The following FHAD1 variants were observed in gnomAD, a reference collection of about 807,000 sequenced individuals.
FHAD1 encodes forkhead-associated domain-containing protein 1.
A neutral mutation model predicts 191.3 loss-of-function variants in FHAD1; 146 were observed. That is an observed-to-expected ratio of 0.76 (90% CI 0.67 to 0.88). FHAD1 has a LOEUF of 0.88. FHAD1 is among the 40% of genes least tolerant of loss of function. The pLI, the probability that FHAD1 is intolerant of heterozygous loss-of-function variation, is 0.00. For synonymous variants in FHAD1, 616 were observed against 672.3 expected, an observed-to-expected ratio of 0.92 and a Z score of 1.29; for missense variants, 1,635 against 1,785.8, an observed-to-expected ratio of 0.92 and a Z score of 1.52.
chr1:15,301,507 A>G, intron 6 of FHAD1, 66 bp downstream of exon 6: 1 of 1,421,436 alleles, frequency 7.0e-7, no homozygotes, highest in Non-Finnish European at 9.6e-7. Flanking sequence ...CAGGACCACC[A>G]ACCAAGGTGA....
chr1:15,395,950 C>T (rs2103199748), intron 33 of FHAD1, among the ~76,000 whole-genome samples: 1 of 152,270 alleles, frequency 6.6e-6, no homozygotes, highest in South Asian at 2.1e-4. Flanking sequence ...TCAGTAACAG[C>T]CTTTCAGGAG....
At position 15,318,033 on chromosome 1, in the gene FHAD1, C is replaced by T; in HGVS notation, c.1365+105C>T. On this transcript the variant is annotated intron_variant, in intron 10 of 33. Coordinates refer to ENST00000688493, the MANE Select transcript of FHAD1 (RefSeq NM_001391957.1). This position sits in a 1 kb window ranked among gnomAD's most constrained non-coding sequence, Gnocchi z 4.1. ...ACTATGCTGGTATTAACCCTTCTTACAGCTGAGAAAACTGAGGCTCACACA... is the reference window on the plus strand; with the variant it reads ...ACTATGCTGGTATTAACCCTTCTTATAGCTGAGAAAACTGAGGCTCACACA... The T allele has an allele frequency of 1.4e-6, 1 of 703,298 alleles. No homozygotes were observed. Among genetic ancestry groups the T allele is most frequent in the East Asian group, 2.9e-5 (1 of 34,736 alleles). 43.6% of individuals were successfully genotyped at this position (703,298 alleles called of 1,614,324 possible).
intron 31 of FHAD1, 74 bp downstream of exon 31, chr1:15,382,267 C>A: frequency 6.9e-7 from 1 of 1,444,428 alleles, no homozygotes; most frequent in South Asian, 1.3e-5. Flanking sequence ...CGAGGGTGGT[C>A]CCTGGAGGAT....
Position 15,272,515 on chromosome 1 carries a change from G to GA in FHAD1, c.290dup (p.Asn97LysfsTer132). 1 of 1,545,822 alleles carries GA rather than the reference G, an allele frequency of 6.5e-7. No individual in the cohort carries two copies. Among genetic ancestry groups the GA allele is most frequent in the Non-Finnish European group, 8.7e-7 (1 of 1,143,436 alleles). ...AGGGCTGACCTATGAACTGGTCATTGAAAATCCACCTCCGGTGAGTCCGGG... is the reference window on the plus strand; with the variant it reads ...AGGGCTGACCTATGAACTGGTCATTGAAAAATCCACCTCCGGTGAGTCCGGG... On this transcript the variant is annotated frameshift_variant, in exon 3 of 34. Coordinates refer to ENST00000688493, the MANE Select transcript of FHAD1 (RefSeq NM_001391957.1). LOFTEE classifies it high-confidence loss of function.
At chr1:15,247,857 C>T (rs1360699455) in intron 1 of FHAD1, among the ~76,000 whole-genome samples, 3 of 152,218 alleles carry the variant, frequency 2.0e-5, no homozygotes, top group African/African-American at 7.2e-5. Context: ...TCACTTGTGA[C>T]CTATAAGCAG....
chr1:15,258,371 G>T (rs1649316112), intron 2 of FHAD1, among the ~76,000 whole-genome samples: 1 of 152,116 alleles, frequency 6.6e-6, no homozygotes, highest in Admixed American at 6.6e-5. Context: ...TTTGTGACTG[G>T]CTTATTTCAC....
upstream of FHAD1, among the ~76,000 whole-genome samples, chr1:15,246,645 A>G (rs964880036): frequency 1.1e-4 from 16 of 152,202 alleles, no homozygotes; most frequent in African/African-American, 3.4e-4. Context: ...GAGATAGAGA[A>G]AGGGCAAAAG....
At chr1:15,328,556 C>G in intron 13 of FHAD1, 127 bp downstream of exon 13, 1 of 800,550 alleles carries the variant, frequency 1.2e-6, no homozygotes. Flanking sequence ...TCCACTTTTT[C>G]CTCTTGTTGG....
intron 10 of FHAD1, among the ~76,000 whole-genome samples, chr1:15,319,215 A>G (rs1675505406): frequency 6.6e-6 from 1 of 152,206 alleles, no homozygotes; most frequent in Non-Finnish European, 1.5e-5. Context: ...TGAGAAATAA[A>G]AGCAAATAAT....
chr1:15,361,604 A>G (rs1694835883), intron 22 of FHAD1, among the ~76,000 whole-genome samples: 1 of 152,120 alleles, frequency 6.6e-6, no homozygotes, highest in Admixed American at 6.5e-5. Context: ...CCGTAGTAAC[A>G]AAATTATTGC....
intron 2 of FHAD1, among the ~76,000 whole-genome samples, chr1:15,267,556 A>C (rs546037420): frequency 6.6e-6 from 1 of 152,140 alleles, no homozygotes; most frequent in African/African-American, 2.4e-5. Context: ...TGTCTGATAG[A>C]ATTCACCAGG....
Position 15,277,601 on chromosome 1 carries a change from A to G in FHAD1, c.300+5072A>G, listed in dbSNP as rs561646203. The stretch of plus-strand genomic sequence containing the variant: ...GGAGTCTTTCCCAACAGCCCAGAGC[A>G]CCTCGGTCACCTGAGAGCTCAGGCA... On this transcript the variant is annotated intron_variant, in intron 3 of 33. Coordinates refer to ENST00000688493, the MANE Select transcript of FHAD1 (RefSeq NM_001391957.1). Among the ~76,000 whole-genome samples the G allele has an allele frequency of 2.6e-5, 4 of 152,258 alleles. No homozygotes were observed. In the South Asian group the frequency reaches 8.3e-4, roughly 32 times the overall value.
In FHAD1 at chr1:15,311,810, A is replaced by C. The variant is rs1672357224; in HGVS notation, c.1040-1247A>C. Among the ~76,000 whole-genome samples, 1 of 152,344 alleles carries C rather than the reference A, an allele frequency of 6.6e-6. No individual in the cohort carries two copies. Among genetic ancestry groups the C allele is most frequent in the Middle Eastern group, 3.4e-3 (1 of 294 alleles). On this transcript the variant is annotated intron_variant, in intron 7 of 33. Coordinates refer to ENST00000688493, the MANE Select transcript of FHAD1 (RefSeq NM_001391957.1). This position sits in a 1 kb window ranked among gnomAD's most constrained non-coding sequence, Gnocchi z 4.1. The stretch of plus-strand genomic sequence containing the variant: ...ATCTGCTGTCACATAAGTTATCCCA[A>C]AAAAGCAACAAATATGTTTATCTTA...
At chr1:15,359,817 G>A (rs1458541695) in intron 21 of FHAD1, among the ~76,000 whole-genome samples, 2 of 152,232 alleles carry the variant, frequency 1.3e-5, no homozygotes, top group African/African-American at 2.4e-5. Context: ...AGGCGTGGTG[G>A]CGGGCGCCTG....
chr1:15,391,974 T>G (rs2496330), intron 33 of FHAD1, among the ~76,000 whole-genome samples: 58,141 of 152,052 alleles, frequency 0.38, 14,295 homozygotes, highest in African/African-American at 0.7. Context: ...CTGCTGCCAG[T>G]TATTGGCTGA....
At chr1:15,379,443 T>C (rs941563777) in intron 28 of FHAD1, among the ~76,000 whole-genome samples, 3 of 152,228 alleles carry the variant, frequency 2.0e-5, no homozygotes, top group Non-Finnish European at 2.9e-5. Context: ...GAACGTACAA[T>C]CGGGTTTTAT....
chr1:15,331,880 C>T (rs1453970288), intron 14 of FHAD1, among the ~76,000 whole-genome samples: 2 of 152,126 alleles, frequency 1.3e-5, no homozygotes, highest in Non-Finnish European at 2.9e-5. Flanking sequence ...CATGTAAGCT[C>T]ATGACCTACA....
At chr1:15,301,465 G>A in intron 6 of FHAD1, 24 bp downstream of exon 6, 2 of 1,543,892 alleles carry the variant, frequency 1.3e-6, no homozygotes, top group East Asian at 2.4e-5. Context: ...GAGAGGTACA[G>A]CACAGCTCTC....
At position 15,318,876 on chromosome 1, in the gene FHAD1, T is replaced by A. The variant is rs1185024384; in HGVS notation, c.1365+948T>A. On this transcript the variant is annotated intron_variant, in intron 10 of 33. Transcript: ENST00000688493. The surrounding 1 kb of genome is among the most constrained non-coding windows in gnomAD (Gnocchi z 4.1). ...TTATGGATCACACATTTATTTTAAT[T>A]TTTTTAACTGAAAATATCTTCGAGA... is the stretch of plus-strand genomic sequence containing the variant. Among the ~76,000 whole-genome samples the A allele has an allele frequency of 3.9e-5, 6 of 152,240 alleles. No homozygotes were observed. The highest frequency in any genetic ancestry group is 8.8e-5 in the Non-Finnish European group (6 of 68,044).
Sources: allele counts gnomAD v4.1 joint callset (sites outside exome capture counted in the v4.1 genomes callset), GRCh38; gene constraint gnomAD v4.1.1; non-coding constraint Gnocchi (gnomAD v3.1); transcripts MANE v1.5; gene names NCBI Gene and HGNC (gene_info 2026-07-23, HGNC 2026-07-21).